ABCA3: variants seen among roughly 807,000 people sequenced by gnomAD.
ABCA3 encodes the protein phospholipid-transporting ATPase ABCA3.
A neutral mutation model predicts 172.8 loss-of-function variants in ABCA3; 88 were observed. The observed-to-expected ratio is 0.51, with a 90% CI of 0.43 to 0.61. The LOEUF (loss-of-function observed/expected upper bound fraction) is 0.61, where lower values mean the gene tolerates loss of function less well. Among genes scored for constraint, ABCA3 ranks in the 20% least tolerant of loss-of-function variants. The pLI is 0.00. For synonymous variants in ABCA3, 1,066 were observed against 983.8 expected (o/e 1.08, Z -1.56); for missense variants, 2,164 against 2,301.0 (o/e 0.94, Z 1.22).
chr16:2,278,347 A>T lies in ABCA3; in HGVS notation c.4659T>A (p.Leu1553=), dbSNP rs1419107529. Reference sequence around the variant, plus strand: ...CTCGGGCTCGTGCCACGGTGTCCCAAAGCAGGCGCCGGGCCACGGGGTCCA... The same window carrying T: ...CTCGGGCTCGTGCCACGGTGTCCCATAGCAGGCGCCGGGCCACGGGGTCCA... ...TGMDPVARRL[L]WDTVARARES... The change falls in exon 30 of 33, where the codon CTT becomes CTA. Residue 1553 remains leucine, a synonymous_variant. Coordinates refer to ENST00000301732, the MANE Select transcript of ABCA3 (RefSeq NM_001089.3). The surrounding 1 kb of genome is among the most constrained non-coding windows in gnomAD (Gnocchi z 4.4). 6.2e-7 allele frequency: 1 copy of T among 1,611,876 alleles called. No individual in the cohort carries two copies. The highest frequency in any genetic ancestry group is 1.1e-5 in the South Asian group (1 of 91,084).
In ABCA3 at chr16:2,297,941, A is replaced by G. The variant is rs771957794; in HGVS notation, c.1897-20T>C. The stretch of plus-strand genomic sequence containing the variant: ...CTTCAGCTGCAACGACAGGGGACGC[A>G]GGGAGATGCAGGGCTCCTGGCGGGA... On this transcript the variant is annotated intron_variant, in intron 15 of 32. Coordinates refer to ENST00000301732, the MANE Select transcript of ABCA3 (RefSeq NM_001089.3). The surrounding 1 kb of genome is among the most constrained non-coding windows in gnomAD (Gnocchi z 5.6). 1 of 1,612,756 alleles carries G rather than the reference A, an allele frequency of 6.2e-7. No homozygotes were observed. Among genetic ancestry groups the G allele is most frequent in the Non-Finnish European group, 8.5e-7 (1 of 1,179,950 alleles).
chr16:2,294,252 T>C (rs892626994), intron 18 of ABCA3, among the ~76,000 whole-genome samples: 3 of 151,798 alleles, frequency 2.0e-5, no homozygotes, highest in Non-Finnish European at 4.4e-5. Context: ...GGTCTCGATC[T>C]CCTGACCTCA....
rs1429331574 is a variant in ABCA3, at chr16:2,278,463, A to G, written c.4548-5T>C. On this transcript the variant is annotated splice_polypyrimidine_tract_variant and splice_region_variant and intron_variant, in intron 29 of 32. Coordinates refer to ENST00000301732, the MANE Select transcript of ABCA3 (RefSeq NM_001089.3). The surrounding 1 kb of genome is among the most constrained non-coding windows in gnomAD (Gnocchi z 4.4). ...AGCTTCCGCTTGTTACCACCACTAG[A>G]GGCAGGAGGGTGCCAGGTGGGGGAA... is the stretch of plus-strand genomic sequence containing the variant. The G allele has an allele frequency of 6.2e-7, 1 of 1,611,162 alleles. No homozygotes were observed. The highest frequency in any genetic ancestry group is 1.1e-5 in the South Asian group (1 of 91,086).
In ABCA3 at chr16:2,298,488, G is replaced by A; in HGVS notation, c.1794C>T (p.Ser598=). The A allele has an allele frequency of 6.2e-7, 1 of 1,614,062 alleles. No homozygotes were observed. The highest frequency in any genetic ancestry group is 1.1e-5 in the South Asian group (1 of 91,082). Residue 598 remains serine, a synonymous_variant, in exon 15 of 33, where the codon TCC becomes TCT. Coordinates refer to ENST00000301732, the MANE Select transcript of ABCA3 (RefSeq NM_001089.3). The part of the protein sequence containing the change: ...GRAYISGYEI[S]QDMVQIRKSL... The stretch of plus-strand genomic sequence containing the variant: ...TCTTCCGGATCTGAACCATGTCCTG[G>A]GAAATTTCATACCCGCTGATGTATG...
chr16:2,304,141 A>G lies in ABCA3; in HGVS notation c.1295T>C (p.Ile432Thr). 1 of 1,614,162 alleles carries G rather than the reference A, an allele frequency of 6.2e-7. No homozygotes were observed. Among genetic ancestry groups the G allele is most frequent in the South Asian group, 1.1e-5 (1 of 91,080 alleles). Residue 432 changes from isoleucine to threonine, a missense_variant, in exon 12 of 33, where the codon ATC (isoleucine) becomes ACC (threonine). Transcript: ENST00000301732. ...IGKFEAKGMG[I>T]QWRDLLSPVN... The stretch of plus-strand genomic sequence containing the variant: ...GGGACTCAGGAGGTCTCGCCACTGG[A>G]TGCCCATGCCTGGAAGACACATCAG...
At chr16:2,316,336 G>A (rs1389606267) in intron 10 of ABCA3, among the ~76,000 whole-genome samples, 212 of 94,524 alleles carry the variant, frequency 2.2e-3, no homozygotes, top group Admixed American at 2.8e-3. Context: ...AAAAAGAAAA[G>A]AAAAAAAGAA....
Position 2,285,796 on chromosome 16 carries a change from T to G in ABCA3, c.3279-150A>C. On this transcript the variant is annotated intron_variant, in intron 22 of 32. Transcript: ENST00000301732. The surrounding 1 kb of genome is among the most constrained non-coding windows in gnomAD (Gnocchi z 4.7). Reference sequence around the variant, plus strand: ...GGAGAGCACAAGCACCATGGTTCCATACCGGGAACATCTGCCCCCACCGGA... The same window carrying G: ...GGAGAGCACAAGCACCATGGTTCCAGACCGGGAACATCTGCCCCCACCGGA... 1 of 767,870 alleles carries G rather than the reference T, an allele frequency of 1.3e-6. No homozygotes were observed. 47.6% of individuals were successfully genotyped at this position (767,870 alleles called of 1,614,324 possible).
At chr16:2,333,233 T>G (rs2093746268) in intron 1 of ABCA3, among the ~76,000 whole-genome samples, 1 of 152,170 alleles carries the variant, frequency 6.6e-6, no homozygotes, top group Admixed American at 6.5e-5. Flanking sequence ...CAAGACCCAT[T>G]ACGCCATGTG....
chr16:2,315,208 A>G (rs985421446), intron 10 of ABCA3, among the ~76,000 whole-genome samples: 1 of 136,082 alleles, frequency 7.3e-6, no homozygotes, highest in African/African-American at 3.1e-5. Context: ...TATTTTACAC[A>G]CACACACACA....
At chr16:2,289,959 C>T (rs891780708) in intron 19 of ABCA3, among the ~76,000 whole-genome samples, 1 of 82,838 alleles carries the variant, frequency 1.2e-5, no homozygotes, top group Non-Finnish European at 2.3e-5. Flanking sequence ...ATGTGAATTA[C>T]ATCACACACA....
Position 2,326,144 on chromosome 16 carries a change from A to G in ABCA3, c.185T>C (p.Ile62Thr), listed in dbSNP as rs1252444330. 6.2e-7 allele frequency: 1 copy of G among 1,614,120 alleles called. No individual in the cohort carries two copies. The highest frequency in any genetic ancestry group is 8.5e-7 in the Non-Finnish European group (1 of 1,180,040). The change falls in exon 5 of 33, where the codon ATC becomes ACC. Residue 62 changes from isoleucine (I) to threonine (T), a missense_variant. Physicochemically the swap from Ile to Thr is moderately conservative, Grantham distance 89. This residue lies in a region of ABCA3 where 1,343 missense variants were observed against 1,369.6 expected (regional missense o/e 0.98). Coordinates refer to ENST00000301732, the MANE Select transcript of ABCA3 (RefSeq NM_001089.3). The stretch of plus-strand genomic sequence containing the variant: ...GGTGAAGAACAGAGGCAGCTCCTGG[A>G]TGGACTGGCCCGGGTAGATGGTGGC... ...PNATIYPGQS[I>T]QELPLFFTFP...
In ABCA3 at chr16:2,297,928, C is replaced by G; in HGVS notation, c.1897-7G>C. On this transcript the variant is annotated splice_region_variant and splice_polypyrimidine_tract_variant and intron_variant, in intron 15 of 32. Coordinates refer to ENST00000301732, the MANE Select transcript of ABCA3 (RefSeq NM_001089.3). The surrounding 1 kb of genome is among the most constrained non-coding windows in gnomAD (Gnocchi z 5.6). ...GACGTGACAGGCCCTTCAGCTGCAA[C>G]GACAGGGGACGCAGGGAGATGCAGG... 1 of 1,613,472 alleles carries G rather than the reference C, an allele frequency of 6.2e-7. No individual in the cohort carries two copies. Among genetic ancestry groups the G allele is most frequent in the Non-Finnish European group, 8.5e-7 (1 of 1,180,024 alleles).
chr16:2,302,548 T>C (rs1312038817), intron 12 of ABCA3, among the ~76,000 whole-genome samples: 1 of 151,834 alleles, frequency 6.6e-6, no homozygotes. Flanking sequence ...TGTGGTGGTG[T>C]GAACATGGCT....
chr16:2,304,906 A>G (rs2093695229), intron 11 of ABCA3, among the ~76,000 whole-genome samples: 1 of 151,358 alleles, frequency 6.6e-6, no homozygotes, highest in Non-Finnish European at 1.5e-5. Flanking sequence ...CGATCTCCTG[A>G]CCTTGTGATT....
rs323043 is a variant in ABCA3, at chr16:2,298,527, G to T, written c.1755C>A (p.Pro585=). The change falls in exon 15 of 33, where the codon CCC becomes CCA. Residue 585 remains proline (P), a synonymous_variant. Coordinates refer to ENST00000301732, the MANE Select transcript of ABCA3 (RefSeq NM_001089.3). The stretch of plus-strand genomic sequence containing the variant: ...CGCTGATGTATGCCCGTCCACTGGT[G>T]GGGGGAAAGAGACCTGGGGCCCAGC... ...TLSMLTGLFP[P]TSGRAYISGY... 1.9e-5 allele frequency: 30 copies of T among 1,613,390 alleles called. No individual in the cohort carries two copies. Among genetic ancestry groups the T allele is most frequent in the Non-Finnish European group, 2.4e-5 (28 of 1,179,968 alleles).
intron 10 of ABCA3, among the ~76,000 whole-genome samples, chr16:2,316,742 C>G (rs45497094): frequency 9.9e-5 from 15 of 151,556 alleles, no homozygotes; most frequent in Non-Finnish European, 1.9e-4. Flanking sequence ...GGAGTTTTAC[C>G]TGGGAGGAGC....
chr16:2,293,779 G>C (rs1023802572), intron 18 of ABCA3, among the ~76,000 whole-genome samples: 1 of 151,370 alleles, frequency 6.6e-6, no homozygotes, highest in Non-Finnish European at 1.5e-5. Context: ...CTGACCTCGT[G>C]ATCCACCCGC....
chr16:2,300,677 G>A (rs2093687470), intron 12 of ABCA3, among the ~76,000 whole-genome samples: 1 of 152,210 alleles, frequency 6.6e-6, no homozygotes, highest in African/African-American at 2.4e-5. Context: ...AAGAACACAG[G>A]CACACACCTC....
At chr16:2,313,174 C>G (rs1029083894) in intron 10 of ABCA3, among the ~76,000 whole-genome samples, 1 of 152,044 alleles carries the variant, frequency 6.6e-6, no homozygotes. Context: ...TGCTTAGGGT[C>G]TGGTGGTTTT....
Sources: gnomAD v4.1 joint callset for allele counts (sites outside exome capture counted in the v4.1 genomes callset) on GRCh38, gnomAD v4.1.1 for gene constraint, gnomAD v4.1.1 regional missense constraint, Gnocchi (gnomAD v3.1) non-coding constraint, MANE v1.5 for transcripts, NCBI Gene and HGNC (gene_info 2026-07-23, HGNC 2026-07-21) for gene names.